ABCB5: variants seen among roughly 807,000 people sequenced by gnomAD.
ABCB5 encodes ATP binding cassette subfamily B member 5.
Under a neutral mutation model 144.2 loss-of-function variants are expected in ABCB5, and 155 were observed. The observed-to-expected ratio is 1.08, with a 90% CI of 0.94 to 1.23. The LOEUF (loss-of-function observed/expected upper bound fraction) is 1.23, where lower values mean the gene tolerates loss of function less well. ABCB5 is among the 50% of genes most tolerant of loss of function. The pLI is 0.00. For synonymous variants in ABCB5, 610 were observed against 528.6 expected, an observed-to-expected ratio of 1.15 and a Z score of -2.11; for missense variants, 1,830 against 1,520.8, an observed-to-expected ratio of 1.20 and a Z score of -3.38.
chr7:20,673,108 T>A (rs1785500232), intron 14 of ABCB5, among the ~76,000 whole-genome samples: 1 of 152,192 alleles, frequency 6.6e-6, no homozygotes, highest in African/African-American at 2.4e-5. Flanking sequence ...GATTTCTAAT[T>A]TAATTGCATT....
At chr7:20,729,776 ATCAGCC>A (rs1782151501) in intron 23 of ABCB5, among the ~76,000 whole-genome samples, 1 of 152,230 alleles carries the variant, frequency 6.6e-6, no homozygotes, top group South Asian at 2.1e-4. Flanking sequence ...CCATGCAAGT[ATCAGCC>A]TCTTCACAAT....
intron 14 of ABCB5, 24 bp from the exon 15 acceptor site, chr7:20,681,481 T>C (rs758914285): frequency 6.2e-7 from 1 of 1,612,150 alleles, no homozygotes; most frequent in East Asian, 2.2e-5. Flanking sequence ...TGTCTATTTA[T>C]TTTCTATGCA....
chr7:20,691,980 T>G (rs985603384), intron 16 of ABCB5, among the ~76,000 whole-genome samples: 14 of 152,050 alleles, frequency 9.2e-5, no homozygotes. Context: ...GACCCGGAAA[T>G]GGCACACTTA....
At chr7:20,617,143 C>G (rs921160743) in intron 1 of ABCB5, among the ~76,000 whole-genome samples, 2 of 152,128 alleles carry the variant, frequency 1.3e-5, no homozygotes, top group Non-Finnish European at 2.9e-5. Flanking sequence ...AATTGTGACT[C>G]TCCCTGTAAT....
intron 16 of ABCB5, among the ~76,000 whole-genome samples, chr7:20,691,286 G>C (rs1186002346): frequency 6.9e-6 from 1 of 144,850 alleles, no homozygotes; most frequent in African/African-American, 2.5e-5. Context: ...CCGAAACTCA[G>C]TGGACTTTGA....
intron 25 of ABCB5, among the ~76,000 whole-genome samples, chr7:20,743,389 C>T (rs765691485): frequency 6.6e-6 from 1 of 152,164 alleles, no homozygotes; most frequent in Non-Finnish European, 1.5e-5. Flanking sequence ...ATCGTGGCTC[C>T]GTATTCTGTT....
chr7:20,742,334 A>G (rs552273118), intron 24 of ABCB5, among the ~76,000 whole-genome samples: 1 of 152,318 alleles, frequency 6.6e-6, no homozygotes, highest in Admixed American at 6.5e-5. Flanking sequence ...AGATCACACC[A>G]CTGCCTTCCA....
intron 14 of ABCB5, among the ~76,000 whole-genome samples, chr7:20,678,633 C>CAAAAACA (rs1785687646): frequency 7.1e-6 from 1 of 141,526 alleles, no homozygotes; most frequent in Admixed American, 6.9e-5. Context: ...AAAACAAAAA[C>CAAAAACA]AAAAACAAAA....
chr7:20,640,599 A>G (rs1784274325), intron 5 of ABCB5, among the ~76,000 whole-genome samples: 1 of 152,224 alleles, frequency 6.6e-6, no homozygotes, highest in South Asian at 2.1e-4. Context: ...TTGGCACTAA[A>G]TAAACCACGA....
Position 20,742,867 on chromosome 7 carries a change from C to G in ABCB5, c.3025-10C>G. 3 of 1,613,772 alleles carry G rather than the reference C, an allele frequency of 1.9e-6. No homozygotes were observed. Among genetic ancestry groups the G allele is most frequent in the Non-Finnish European group, 2.5e-6 (3 of 1,179,888 alleles). ...TCATTCTTCTCAACTCTGTCAACTTCCTTTCACAGGACACATGTGAAGGGA... is the reference window on the plus strand; with the variant it reads ...TCATTCTTCTCAACTCTGTCAACTTGCTTTCACAGGACACATGTGAAGGGA... On this transcript the variant is annotated splice_polypyrimidine_tract_variant and intron_variant, in intron 24 of 27. Transcript: ENST00000404938.
intron 26 of ABCB5, among the ~76,000 whole-genome samples, chr7:20,751,866 A>G (rs1249070312): frequency 6.6e-6 from 1 of 152,254 alleles, no homozygotes; most frequent in African/African-American, 2.4e-5. Context: ...GAAAGTCTGT[A>G]TTCTTTGTAG....
chr7:20,632,428 T>C (rs906856194), intron 5 of ABCB5, among the ~76,000 whole-genome samples: 20 of 152,190 alleles, frequency 1.3e-4, no homozygotes, highest in African/African-American at 4.3e-4. Context: ...GGACTTGATT[T>C]TCCTTCTAAA....
rs180776008 is a variant in ABCB5 at position 20,714,748 on chromosome 7, G to A, written c.2422-8268G>A. Among the ~76,000 whole-genome samples the A allele has an allele frequency of 3.6e-3, 550 of 152,272 alleles. 2 individuals carry two copies. The highest frequency in any genetic ancestry group is 0.012 in the African/African-American group (518 of 41,562). On this transcript the variant is annotated intron_variant, in intron 20 of 27. Coordinates refer to ENST00000404938, the MANE Select transcript of ABCB5 (RefSeq NM_001163941.2). ...TGGAAAACCCAAGCTTATTAAGCAA[G>A]CAAAGATATGCAAGTACAAGCCACT...
chr7:20,624,180 A>G (rs1783859592), intron 2 of ABCB5, among the ~76,000 whole-genome samples: 1 of 152,222 alleles, frequency 6.6e-6, no homozygotes. Flanking sequence ...CTGAGGGGAC[A>G]GGTTTATTTT....
chr7:20,617,085 A>G (rs1398077053), intron 1 of ABCB5, among the ~76,000 whole-genome samples: 1 of 152,158 alleles, frequency 6.6e-6, no homozygotes, highest in Non-Finnish European at 1.5e-5. Context: ...TATATACCAA[A>G]AACTGACCAC....
In ABCB5 at chr7:20,664,608, G is replaced by T. The variant is rs185637399; in HGVS notation, c.1707+5932G>T. 1.5e-4 allele frequency among the ~76,000 whole-genome samples: 23 copies of T among 152,196 alleles called. 1 individual carries two copies. The highest frequency in any genetic ancestry group is 1.5e-3 in the Admixed American group (23 of 15,288). On this transcript the variant is annotated intron_variant, in intron 14 of 27. Coordinates refer to ENST00000404938, the MANE Select transcript of ABCB5 (RefSeq NM_001163941.2). ...TTTTCCTAAGTGCTATCAAATAAGT[G>T]ATCTCAATGTATTATTTACCAAGAA...
intron 13 of ABCB5, among the ~76,000 whole-genome samples, chr7:20,658,122 C>G (rs1784870813): frequency 6.6e-6 from 1 of 151,908 alleles, no homozygotes; most frequent in African/African-American, 2.4e-5. Context: ...GGTAACATAC[C>G]AAATTGCTAA....
At chr7:20,746,502 T>G (rs973168587) in intron 26 of ABCB5, among the ~76,000 whole-genome samples, 9 of 152,250 alleles carry the variant, frequency 5.9e-5, no homozygotes, top group African/African-American at 1.9e-4. Flanking sequence ...CCTATCACTT[T>G]GTCTTCAGGG....
chr7:20,669,975 A>G (rs998476803), intron 14 of ABCB5, among the ~76,000 whole-genome samples: 17 of 152,234 alleles, frequency 1.1e-4, no homozygotes, highest in African/African-American at 4.1e-4. Context: ...GAGGAGTGGT[A>G]TCAGCATAGG....
Sources: gnomAD v4.1 joint callset for allele counts (sites outside exome capture counted in the v4.1 genomes callset) on GRCh38, gnomAD v4.1.1 for gene constraint, MANE v1.5 for transcripts, NCBI Gene and HGNC (gene_info 2026-07-23, HGNC 2026-07-21) for gene names.